Variants in SLC6A19 observed in about 807,000 individuals in gnomAD.
The protein encoded by SLC6A19 is sodium-dependent neutral amino acid transporter B(0)AT1.
A neutral mutation model predicts 68.3 loss-of-function variants in SLC6A19; 67 were observed. That is an observed-to-expected ratio of 0.98 (90% CI 0.81 to 1.20). The LOEUF (loss-of-function observed/expected upper bound fraction) is 1.20, where lower values mean the gene tolerates loss of function less well. Among genes scored for constraint, SLC6A19 ranks in the 50% most tolerant of loss-of-function variants. The probability of loss-of-function intolerance (pLI) is 0.00; values close to 1 mark genes in which losing one functional copy is unlikely to be tolerated. For synonymous variants in SLC6A19, 392 were observed against 374.9 expected, an observed-to-expected ratio of 1.05 and a Z score of -0.53; for missense variants, 813 against 851.6, an observed-to-expected ratio of 0.95 and a Z score of 0.56.
At chr5:1,213,083 G>A (rs1746091144) in intron 4 of SLC6A19, among the ~76,000 whole-genome samples, 1 of 79,948 alleles carries the variant, frequency 1.3e-5, no homozygotes, top group Non-Finnish European at 2.4e-5. Context: ...GTCCCCACCC[G>A]TCCCACATGC....
At position 1,213,433 on chromosome 5, in the gene SLC6A19, C is replaced by A. The variant is rs141179638; in HGVS notation, c.664-30C>A. The A allele has an allele frequency of 3.3e-6, 5 of 1,527,406 alleles. No homozygotes were observed. In the East Asian group the frequency reaches 9.4e-5, roughly 29 times the overall value. 94.6% of individuals were successfully genotyped at this position (1,527,406 alleles called of 1,614,324 possible). The stretch of plus-strand genomic sequence containing the variant: ...CCGCATGCCTGGCCCCCCAACTTCC[C>A]GCCCATCCCACATGTCCCGCCCTCC... On this transcript the variant is annotated intron_variant, in intron 4 of 11. Coordinates refer to ENST00000304460, the MANE Select transcript of SLC6A19 (RefSeq NM_001003841.3).
At chr5:1,211,441 T>C (rs7444093) in intron 3 of SLC6A19, among the ~76,000 whole-genome samples, 67,842 of 152,188 alleles carry the variant, frequency 0.45, 16,091 homozygotes, top group African/African-American at 0.59. Flanking sequence ...ACTCTGAGGC[T>C]GCCAGACTTG....
chr5:1,216,920 G>A lies in SLC6A19; in HGVS notation c.1148G>A (p.Cys383Tyr). ...AAYAQLVFQT[C>Y]DINAFLSEAV... ...TACGCGCAGCTGGTGTTCCAGACCT[G>A]CGACATCAACGCCTTCCTCTCAGAG... The change falls in exon 8 of 12, where the codon TGC becomes TAC. Residue 383 changes from cysteine to tyrosine, a missense_variant. Physicochemically the swap from Cys to Tyr is radical, Grantham distance 194. Transcript: ENST00000304460. The A allele has an allele frequency of 6.2e-7, 1 of 1,613,348 alleles. No individual in the cohort carries two copies. Among genetic ancestry groups the A allele is most frequent in the Non-Finnish European group, 8.5e-7 (1 of 1,180,034 alleles).
Position 1,221,228 on chromosome 5 carries a change from C to G in SLC6A19, c.1616C>G (p.Pro539Arg). Reference protein sequence around the residue: ...FWQVTWRVVSPLLMLIIFLFF... With the variant: ...FWQVTWRVVSRLLMLIIFLFF... ...CAAGTCACGTGGCGCGTGGTCAGCC[C>G]CCTGCTCATGCTGATCATCTTCCTC... Residue 539 changes from proline to arginine, a missense_variant, in exon 11 of 12, where the codon CCC becomes CGC. Pro to Arg is a moderately radical substitution (Grantham distance 103). Transcript: ENST00000304460. 6.2e-7 allele frequency: 1 copy of G among 1,614,136 alleles called. No individual in the cohort carries two copies. The highest frequency in any genetic ancestry group is 8.5e-7 in the Non-Finnish European group (1 of 1,180,026).
chr5:1,216,484 G>T, intron 6 of SLC6A19, 74 bp from the exon 7 acceptor site: 1 of 1,607,740 alleles, frequency 6.2e-7, no homozygotes, highest in Non-Finnish European at 8.5e-7. Context: ...TGGGCGGGAT[G>T]CGGATGCTGC....
rs373991930 is a variant in SLC6A19 at position 1,213,995 on chromosome 5, G to A, written c.817G>A (p.Ala273Thr). 125 of 1,613,632 alleles carry A rather than the reference G, an allele frequency of 7.7e-5. 2 individuals are homozygous for A. Among genetic ancestry groups the A allele is most frequent in the Middle Eastern group, 3.3e-4 (2 of 6,062 alleles). ...AQPDTWLDAGAQVFFSFSLAF... is the reference protein window; with the variant it reads ...AQPDTWLDAGTQVFFSFSLAF... ...GCCGGACACCTGGCTGGACGCGGGC[G>A]CACAGGTCTTCTTCTCCTTCTCCCT... is the stretch of plus-strand genomic sequence containing the variant. The change falls in exon 6 of 12, where the codon GCA becomes ACA. Residue 273 changes from alanine (A) to threonine (T), a missense_variant. Coordinates refer to ENST00000304460, the MANE Select transcript of SLC6A19 (RefSeq NM_001003841.3).
intron 10 of SLC6A19, 106 bp from the exon 11 acceptor site, chr5:1,221,045 G>T: frequency 6.9e-7 from 1 of 1,439,476 alleles, no homozygotes; most frequent in Non-Finnish European, 9.5e-7. Flanking sequence ...GGGGAGGCCG[G>T]GCACCTCGCA....
chr5:1,206,369 T>A (rs1345911253), intron 1 of SLC6A19, among the ~76,000 whole-genome samples: 1 of 89,776 alleles, frequency 1.1e-5, no homozygotes, highest in Non-Finnish European at 3.4e-5. Context: ...TGTCTCTGTG[T>A]GTGTGTCTCT....
intron 10 of SLC6A19, among the ~76,000 whole-genome samples, chr5:1,220,050 G>C (rs945029078): frequency 2.6e-5 from 4 of 152,098 alleles, no homozygotes; most frequent in African/African-American, 9.7e-5. Context: ...TTAGGGCAGA[G>C]AGACTCCAGC....
Position 1,214,837 on chromosome 5 carries a change from G to C in SLC6A19, c.887+772G>C, listed in dbSNP as rs905298269. Among the ~76,000 whole-genome samples the C allele has an allele frequency of 1.7e-5, 2 of 116,176 alleles. No individual in the cohort carries two copies. The highest frequency in any genetic ancestry group is 3.2e-4 in the South Asian group (1 of 3,134). The allele number at this position is 116,176 out of a possible 152,430, so 76.2% of individuals were successfully genotyped here. On this transcript the variant is annotated intron_variant, in intron 6 of 11. Coordinates refer to ENST00000304460, the MANE Select transcript of SLC6A19 (RefSeq NM_001003841.3). The surrounding 1 kb of genome is among the most constrained non-coding windows in gnomAD (Gnocchi z 7.4). ...GCAGGGCCTGGGTAGGGAGGGTGGG[G>C]CCTAGACTGGACGGGGGCCTGGGTA... is the stretch of plus-strand genomic sequence containing the variant.
chr5:1,206,887 C>T (rs1270726101), intron 1 of SLC6A19, among the ~76,000 whole-genome samples: 1 of 152,200 alleles, frequency 6.6e-6, no homozygotes, highest in Non-Finnish European at 1.5e-5. Context: ...TTGGGACCTG[C>T]ACACCCCCAG....
chr5:1,208,019 T>G (rs1311288192), intron 1 of SLC6A19, among the ~76,000 whole-genome samples: 2 of 152,234 alleles, frequency 1.3e-5, no homozygotes, highest in African/African-American at 4.8e-5. Context: ...GTGGTTCTCC[T>G]TTTTGCAATT....
rs115983773 is a variant in SLC6A19 at position 1,210,777 on chromosome 5, A to T, written c.481+196A>T. Among the ~76,000 whole-genome samples, 417 of 152,274 alleles carry T rather than the reference A, an allele frequency of 2.7e-3. 3 individuals carry two copies. The highest frequency in any genetic ancestry group is 9.7e-3 in the African/African-American group (402 of 41,552). On this transcript the variant is annotated intron_variant, in intron 3 of 11. Transcript: ENST00000304460. The stretch of plus-strand genomic sequence containing the variant: ...TCTTGTGTGGGGGGCGTGGTGGAGG[A>T]TGAGACCCTTGGGAGGAAAGCGTGG...
At chr5:1,217,167 G>A (rs934440878) in intron 8 of SLC6A19, among the ~76,000 whole-genome samples, 2 of 152,252 alleles carry the variant, frequency 1.3e-5, no homozygotes, top group Non-Finnish European at 2.9e-5. Context: ...TCCTGTTAAC[G>A]CAGAGGCGTA....
intron 10 of SLC6A19, among the ~76,000 whole-genome samples, chr5:1,220,002 G>A (rs1746327033): frequency 6.6e-6 from 1 of 152,158 alleles, no homozygotes; most frequent in Non-Finnish European, 1.5e-5. Context: ...GTGCAGGGGG[G>A]TGGGGAGTGC....
At position 1,208,749 on chromosome 5, in the gene SLC6A19, C is replaced by T; in HGVS notation, c.206C>T (p.Ala69Val). ...PYLCQSHGGGAFMIPFLILLV... is the reference protein window; with the variant it reads ...PYLCQSHGGGVFMIPFLILLV... ...TGGTGGACTCCTCCCATTGCAGGAG[C>T]CTTCATGATCCCGTTCCTCATCCTG... Residue 69 changes from alanine (A) to valine (V), a missense_variant, in exon 2 of 12, where the codon GCC becomes GTC. Physicochemically the swap from Ala to Val is moderately conservative, Grantham distance 64. Coordinates refer to ENST00000304460, the MANE Select transcript of SLC6A19 (RefSeq NM_001003841.3). 1 of 1,613,460 alleles carries T rather than the reference C, an allele frequency of 6.2e-7. No individual in the cohort carries two copies. Among genetic ancestry groups the T allele is most frequent in the Non-Finnish European group, 8.5e-7 (1 of 1,180,002 alleles).
chr5:1,211,731 C>A (rs930711167), intron 3 of SLC6A19, among the ~76,000 whole-genome samples: 7 of 145,772 alleles, frequency 4.8e-5, no homozygotes, highest in African/African-American at 1.8e-4. Context: ...CGGATATGCA[C>A]GTGAGAGTAC....
chr5:1,222,302 CTA>C lies in SLC6A19; in HGVS notation c.*400_*401del, dbSNP rs1252004547. 1.7e-5 allele frequency: 9 copies of C among 538,800 alleles called. No individual in the cohort carries two copies. In the East Asian group the frequency reaches 2.6e-4, roughly 16 times the overall value. 33.4% of individuals were successfully genotyped at this position (538,800 alleles called of 1,614,324 possible). A position where few individuals can be genotyped will look rare whatever the true frequency, so the allele number is the denominator to read the frequency against. ...TGCATGTATATATAGACATACATGC[CTA>C]TGTTGTGTGTGGTGTGCATATGTGT... On this transcript the variant is annotated 3_prime_UTR_variant, in exon 12 of 12. Transcript: ENST00000304460.
At position 1,210,496 on chromosome 5, in the gene SLC6A19, C is replaced by G; in HGVS notation, c.396C>G (p.Ile132Met). The stretch of plus-strand genomic sequence containing the variant: ...TGGTGGGACTGTATTACAACACCAT[C>G]ATCTCCTGGATCATGTGGTACTTAT... ...SFMVGLYYNT[I>M]ISWIMWYLFN... Residue 132 changes from isoleucine to methionine, a missense_variant, in exon 3 of 12, where the codon ATC (isoleucine) becomes ATG (methionine). Coordinates refer to ENST00000304460, the MANE Select transcript of SLC6A19 (RefSeq NM_001003841.3). The G allele has an allele frequency of 6.2e-7, 1 of 1,613,552 alleles. No individual in the cohort carries two copies. Among genetic ancestry groups the G allele is most frequent in the Non-Finnish European group, 8.5e-7 (1 of 1,180,038 alleles).
Sources: gnomAD v4.1 joint callset for allele counts (sites outside exome capture counted in the v4.1 genomes callset) on GRCh38, gnomAD v4.1.1 for gene constraint, Gnocchi (gnomAD v3.1) non-coding constraint, MANE v1.5 for transcripts, NCBI Gene and HGNC (gene_info 2026-07-23, HGNC 2026-07-21) for gene names.